The following ADAP1 variants were observed in gnomAD, a reference collection of about 807,000 sequenced individuals.
ADAP1 encodes arf-GAP with dual PH domain-containing protein 1.
A neutral mutation model predicts 54.9 loss-of-function variants in ADAP1; 31 were observed. The observed-to-expected ratio is 0.56, with a 90% CI of 0.42 to 0.76. The LOEUF (loss-of-function observed/expected upper bound fraction) is 0.76, where lower values mean the gene tolerates loss of function less well. Ranked by LOEUF, ADAP1 falls within the 30% of genes least tolerant of loss-of-function variation. ADAP1 has a pLI of 0.00. For missense variants in ADAP1, 535 were observed against 512.4 expected (o/e 1.04, Z -0.42); for synonymous variants, 313 against 202.6 (o/e 1.55, Z -4.63).
intron 4 of ADAP1, among the ~76,000 whole-genome samples, chr7:911,117 G>C (rs1382903163): frequency 1.3e-5 from 2 of 152,202 alleles, no homozygotes; most frequent in African/African-American, 4.8e-5. Context: ...ATCCTGCGGA[G>C]GGCTCCAGGT....
intron 2 of ADAP1, among the ~76,000 whole-genome samples, chr7:933,578 C>G (rs75113342): frequency 7.7e-5 from 5 of 65,140 alleles, no homozygotes; most frequent in Non-Finnish European, 1.1e-4. Flanking sequence ...AGTGGTGGTG[C>G]AGAGCCGGGG....
intron 6 of ADAP1, 58 bp downstream of exon 6, chr7:904,068 C>G: frequency 6.3e-7 from 1 of 1,598,742 alleles, no homozygotes; most frequent in Non-Finnish European, 8.5e-7. Flanking sequence ...CTGCGCCACC[C>G]GGGCCTGAGG....
At chr7:936,145 A>AAGGTCCAACAAAGCTGGACACAGTGG (rs1404858511) in intron 1 of ADAP1, among the ~76,000 whole-genome samples, 2 of 152,178 alleles carry the variant, frequency 1.3e-5, no homozygotes, top group Non-Finnish European at 2.9e-5. Flanking sequence ...TTTGCCTTAA[A>AAGGTCCAACAAAGCTGGACACAGTGG]AGGTCCAACA....
At position 898,477 on chromosome 7, in the gene ADAP1, G is replaced by A. The variant is rs766662501; in HGVS notation, c.*444C>T. ...CTCAATAAATAGTCGTGGAGGTGGG[G>A]GGAGGGCGGGGCGGCATGCGAGCAG... On this transcript the variant is annotated 3_prime_UTR_variant, in exon 11 of 11. Coordinates refer to ENST00000265846, the MANE Select transcript of ADAP1 (RefSeq NM_006869.4). 24 of 250,914 alleles carry A rather than the reference G, an allele frequency of 9.6e-5. No homozygotes were observed. The highest frequency in any genetic ancestry group is 3.0e-4 in the South Asian group (6 of 19,812). 15.5% of individuals were successfully genotyped at this position (250,914 alleles called of 1,614,324 possible). A position where few individuals can be genotyped will look rare whatever the true frequency, so the allele number is the denominator to read the frequency against.
In ADAP1 at chr7:946,131, G is replaced by A. The variant is rs997210832; in HGVS notation, c.82+8265C>T. On this transcript the variant is annotated intron_variant, in intron 1 of 10. Coordinates refer to ENST00000265846, the MANE Select transcript of ADAP1 (RefSeq NM_006869.4). The surrounding 1 kb of genome is among the most constrained non-coding windows in gnomAD (Gnocchi z 4.3). ...TACGTGAGGCGGGGCATGCATGGCT[G>A]TCCCCCAGGCACACAGCGCCCCACT... Among the ~76,000 whole-genome samples, 2 of 152,202 alleles carry A rather than the reference G, an allele frequency of 1.3e-5. No homozygotes were observed. Among genetic ancestry groups the A allele is most frequent in the African/African-American group, 4.8e-5 (2 of 41,452 alleles).
chr7:902,756 C>G (rs117643407), intron 6 of ADAP1, among the ~76,000 whole-genome samples: 7,244 of 152,128 alleles, frequency 0.048, 187 homozygotes, highest in Middle Eastern at 0.054. Context: ...TGGGCCTGTA[C>G]CCAGCACATG....
intron 6 of ADAP1, chr7:901,051 G>T: frequency 2.1e-6 from 1 of 472,000 alleles, no homozygotes; most frequent in Non-Finnish European, 4.4e-6. Flanking sequence ...GTGGGAGAAG[G>T]GAGGCTCATC....
At chr7:921,641 A>G (rs111387703) in intron 3 of ADAP1, among the ~76,000 whole-genome samples, 2,973 of 152,274 alleles carry the variant, frequency 0.02, 96 homozygotes, top group African/African-American at 0.064. Context: ...TCACCTTCAC[A>G]GGGGCGGCGG....
intron 6 of ADAP1, 45 bp from the exon 7 acceptor site, chr7:900,661 C>CGCTGGGGTCCCCACCGAGGG: frequency 6.9e-7 from 1 of 1,443,280 alleles, no homozygotes; most frequent in African/African-American, 1.4e-5. Context: ...GAGGCTGCAG[C>CGCTGGGGTCCCCACCGAGGG]GCTGGGGTCC....
intron 1 of ADAP1, among the ~76,000 whole-genome samples, chr7:948,281 A>C (rs1583190597): frequency 1.4e-5 from 2 of 144,388 alleles, no homozygotes; most frequent in Non-Finnish European, 1.5e-5. Flanking sequence ...TCTGCCCCTC[A>C]CCCCTCCCTC....
chr7:900,382 G>A (rs917846476), intron 7 of ADAP1, 151 bp downstream of exon 7: 7 of 965,454 alleles, frequency 7.3e-6, no homozygotes, highest in African/African-American at 3.3e-5. Context: ...TGAGGCAGGA[G>A]GGCTGCAGGC....
intron 2 of ADAP1, among the ~76,000 whole-genome samples, chr7:929,278 C>T (rs1221775277): frequency 6.8e-6 from 1 of 147,834 alleles, no homozygotes; most frequent in Non-Finnish European, 1.5e-5. Flanking sequence ...GCTGACAGAG[C>T]GAGACTCCAT....
At chr7:948,421 C>T (rs978713109) in intron 1 of ADAP1, among the ~76,000 whole-genome samples, 4 of 152,284 alleles carry the variant, frequency 2.6e-5, no homozygotes, top group East Asian at 3.9e-4. Flanking sequence ...GGCCTGGCCT[C>T]GTCCTCCATG....
At chr7:903,987 C>A in intron 6 of ADAP1, 139 bp downstream of exon 6, 1 of 1,188,968 alleles carries the variant, frequency 8.4e-7, no homozygotes. Flanking sequence ...GCTGCCCAGC[C>A]CGACTTCCCG....
chr7:916,621 C>T (rs553273515), intron 4 of ADAP1, among the ~76,000 whole-genome samples: 72 of 152,216 alleles, frequency 4.7e-4, no homozygotes, highest in South Asian at 3.3e-3. Flanking sequence ...TCCAGGTGCC[C>T]GCGTGTTCAT....
intron 4 of ADAP1, among the ~76,000 whole-genome samples, chr7:915,029 G>A (rs973347232): frequency 2.7e-5 from 4 of 149,060 alleles, no homozygotes; most frequent in Non-Finnish European, 6.0e-5. Context: ...TCTGGGGCCC[G>A]AGGCCCTCTG....
intron 5 of ADAP1, 110 bp downstream of exon 5, chr7:904,950 G>C (rs1161933124): frequency 2.5e-6 from 2 of 810,538 alleles, no homozygotes; most frequent in Middle Eastern, 6.9e-4. Context: ...CATCGGGGGG[G>C]GCAGCAGGGA....
rs1483462027 is a variant in ADAP1 at position 937,255 on chromosome 7, C to CTG, written c.83-1751_83-1750insCA. Reference sequence around the variant, plus strand: ...CGGCCTCTGGGATTTGGGGGTCACGCCCGACCTCTGGGATTTGGGGGTCAT... The same window carrying CTG: ...CGGCCTCTGGGATTTGGGGGTCACGCTGCCGACCTCTGGGATTTGGGGGTCAT... On this transcript the variant is annotated intron_variant, in intron 1 of 10. Coordinates refer to ENST00000265846, the MANE Select transcript of ADAP1 (RefSeq NM_006869.4). Among the ~76,000 whole-genome samples, 19 of 37,684 alleles carry CTG rather than the reference C, an allele frequency of 5.0e-4. 2 individuals carry two copies. The highest frequency in any genetic ancestry group is 5.8e-4 in the East Asian group (1 of 1,730). The allele number at this position is 37,684 out of a possible 152,430, so 24.7% of individuals were successfully genotyped here.
intron 4 of ADAP1, among the ~76,000 whole-genome samples, chr7:912,674 G>A (rs944109666): frequency 5.3e-4 from 80 of 152,178 alleles, no homozygotes; most frequent in Non-Finnish European, 1.0e-3. Flanking sequence ...CGTGCACCTC[G>A]AGAGGTGTTT....
Sources: gnomAD v4.1 joint callset for allele counts (sites outside exome capture counted in the v4.1 genomes callset) on GRCh38, gnomAD v4.1.1 for gene constraint, Gnocchi (gnomAD v3.1) non-coding constraint, MANE v1.5 for transcripts, NCBI Gene and HGNC (gene_info 2026-07-23, HGNC 2026-07-21) for gene names.